The following WDR1 variants were observed in gnomAD, a reference collection of about 807,000 sequenced individuals.
WDR1 encodes WD repeat domain 1.
WDR1 carries 21 observed loss-of-function variants against 71.9 expected under a neutral mutation model. That is an observed-to-expected ratio of 0.29 (90% CI 0.21 to 0.42). The LOEUF is 0.42. Ranked by LOEUF, WDR1 falls within the 10% of genes least tolerant of loss-of-function variation. The probability of loss-of-function intolerance (pLI) is 1.00; values close to 1 mark genes in which losing one functional copy is unlikely to be tolerated. For synonymous variants in WDR1, 424 were observed against 347.4 expected, an observed-to-expected ratio of 1.22 and a Z score of -2.45; for missense variants, 696 against 824.5, an observed-to-expected ratio of 0.84 and a Z score of 1.91.
At chr4:10,092,752 G>GC (rs2109666276) in intron 5 of WDR1, 1 of 273,160 alleles carries the variant, frequency 3.7e-6, no homozygotes, top group African/African-American at 2.2e-5. Flanking sequence ...CCACACGGAG[G>GC]CCCGGCCAGT....
intron 5 of WDR1, among the ~76,000 whole-genome samples, chr4:10,094,101 C>T (rs62288519): frequency 0.058 from 8,803 of 152,256 alleles, 337 homozygotes; most frequent in Middle Eastern, 0.099. Flanking sequence ...AGAAGTCTTC[C>T]GTGCTGAACA....
intron 7 of WDR1, 38 bp from the exon 8 acceptor site, chr4:10,087,978 C>G (rs1221119619): frequency 6.6e-7 from 1 of 1,520,500 alleles, no homozygotes; most frequent in East Asian, 2.5e-5. Flanking sequence ...TGCCAGAGGA[C>G]TACAGACTGG....
chr4:10,080,862 G>A (rs1224082488), intron 11 of WDR1, among the ~76,000 whole-genome samples: 1 of 152,246 alleles, frequency 6.6e-6, no homozygotes. Flanking sequence ...CTCCTCATCT[G>A]TAAGAGGAAC....
At chr4:10,085,113 A>C (rs1239236689) in intron 8 of WDR1, among the ~76,000 whole-genome samples, 7 of 152,244 alleles carry the variant, frequency 4.6e-5, no homozygotes, top group Admixed American at 3.9e-4. Flanking sequence ...AGGCTGGTCC[A>C]CAACCAGACA....
intron 11 of WDR1, among the ~76,000 whole-genome samples, chr4:10,080,791 CG>C (rs775663243): frequency 2.6e-5 from 4 of 152,218 alleles, no homozygotes; most frequent in Admixed American, 6.5e-5. Flanking sequence ...GAAGCCAGGC[CG>C]GGAAGTCAGG....
At chr4:10,094,911 C>T (rs1005693566) in intron 5 of WDR1, 1 of 152,246 alleles carries the variant, frequency 6.6e-6, no homozygotes, top group African/African-American at 2.4e-5. Context: ...TCAGAACATG[C>T]CTTGTTCCTT....
intron 2 of WDR1, among the ~76,000 whole-genome samples, chr4:10,104,801 A>G (rs1486983915): frequency 1.3e-5 from 2 of 152,064 alleles, no homozygotes; most frequent in African/African-American, 4.8e-5. Context: ...TCTGCTACCT[A>G]CTGTCAGCTT....
Position 10,081,435 on chromosome 4 carries a change from T to C in WDR1, c.1206A>G (p.Gly402=). The change falls in exon 11 of 15, where the codon GGA becomes GGG. Residue 402 remains glycine, a synonymous_variant. Coordinates refer to ENST00000499869, the MANE Select transcript of WDR1 (RefSeq NM_017491.5). ...SLMLRDYSGQ[G]VVKLDVQPKC... is the part of the protein sequence containing the mutation. The stretch of plus-strand genomic sequence containing the variant: ...TTGGCTGAACGTCCAGTTTCACAAC[T>C]CCTTGTCCGCTGTTAGAGAGAAAGG... 1 of 1,613,868 alleles carries C rather than the reference T, an allele frequency of 6.2e-7. No individual in the cohort carries two copies. The highest frequency in any genetic ancestry group is 8.5e-7 in the Non-Finnish European group (1 of 1,179,852).
At chr4:10,086,615 G>A (rs938438086) in intron 8 of WDR1, among the ~76,000 whole-genome samples, 1 of 152,224 alleles carries the variant, frequency 6.6e-6, no homozygotes, top group Non-Finnish European at 1.5e-5. Context: ...GCTGCTCCAG[G>A]CTGGCCCACA....
At chr4:10,092,747 C>T (rs909120234) in intron 5 of WDR1, 5 of 269,000 alleles carry the variant, frequency 1.9e-5, no homozygotes, top group Admixed American at 1.3e-4. Context: ...CCTTTCCACA[C>T]GGAGGCCCGG....
rs945282108 is a variant in WDR1 at position 10,084,984 on chromosome 4, A to C, written c.952-454T>G. 9.6e-4 allele frequency among the ~76,000 whole-genome samples: 146 copies of C among 152,306 alleles called. 1 individual carries two copies. The highest frequency in any genetic ancestry group is 8.4e-4 in the Non-Finnish European group (57 of 68,014). On this transcript the variant is annotated intron_variant, in intron 8 of 14. Coordinates refer to ENST00000499869, the MANE Select transcript of WDR1 (RefSeq NM_017491.5). ...TGAGGTTTCTTCTCTCTCCCTGCCC[A>C]GGAGTGCTGGCCCTGCTGAGGGCAG...
chr4:10,085,292 G>A (rs1765168346), intron 8 of WDR1, among the ~76,000 whole-genome samples: 1 of 152,234 alleles, frequency 6.6e-6, no homozygotes, highest in Non-Finnish European at 1.5e-5. Flanking sequence ...TGATCTCTGT[G>A]GTATGCCACA....
intron 3 of WDR1, among the ~76,000 whole-genome samples, chr4:10,102,929 T>C (rs867687784): frequency 6.6e-6 from 1 of 152,188 alleles, no homozygotes; most frequent in Non-Finnish European, 1.5e-5. Context: ...TAAGTATCTG[T>C]TGAGCTTATG....
chr4:10,098,853 G>A (rs747612826), intron 4 of WDR1, 139 bp downstream of exon 4: 21 of 1,262,066 alleles, frequency 1.7e-5, no homozygotes, highest in Admixed American at 4.0e-5. Flanking sequence ...GCCCTCACGG[G>A]GCCCGGCACC....
chr4:10,114,908 G>A (rs962425455), intron 2 of WDR1, among the ~76,000 whole-genome samples: 2 of 152,210 alleles, frequency 1.3e-5, no homozygotes, highest in African/African-American at 4.8e-5. Flanking sequence ...CTGGGTTAAC[G>A]AGACAGATGC....
chr4:10,092,896 C>A, intron 5 of WDR1: 1 of 468,890 alleles, frequency 2.1e-6, no homozygotes. Flanking sequence ...CTCAGTCCAG[C>A]CTCATCCCTG....
At chr4:10,093,373 G>C (rs1712131304) in intron 5 of WDR1, among the ~76,000 whole-genome samples, 1 of 152,206 alleles carries the variant, frequency 6.6e-6, no homozygotes, top group African/African-American at 2.4e-5. Context: ...TGGTCAATGG[G>C]TGTTCCCAAA....
Position 10,081,404 on chromosome 4 carries a change from C to T in WDR1, c.1237G>A (p.Val413Ile), listed in dbSNP as rs768686576. ...VVKLDVQPKC[V>I]AVGPGGYAVV... ...GCGTATCCCCCGGGGCCGACGGCTACGCACTTTGGCTGAACGTCCAGTTTC... is the reference window on the plus strand; with the variant it reads ...GCGTATCCCCCGGGGCCGACGGCTATGCACTTTGGCTGAACGTCCAGTTTC... The change falls in exon 11 of 15, where the codon GTA (valine) becomes ATA (isoleucine). Residue 413 changes from valine (V) to isoleucine (I), a missense_variant. By Grantham distance (29) the Val-to-Ile change is conservative. Transcript: ENST00000499869. 3.8e-5 allele frequency: 61 copies of T among 1,613,820 alleles called. No homozygotes were observed. The highest frequency in any genetic ancestry group is 7.7e-5 in the South Asian group (7 of 91,078).
intron 12 of WDR1, among the ~76,000 whole-genome samples, chr4:10,078,407 T>C (rs1011112973): frequency 6.6e-6 from 1 of 152,220 alleles, no homozygotes; most frequent in African/African-American, 2.4e-5. Flanking sequence ...ATGAGAATTA[T>C]GCCGAGGCAG....
Sources: allele counts gnomAD v4.1 joint callset (sites outside exome capture counted in the v4.1 genomes callset), GRCh38; gene constraint gnomAD v4.1.1; transcripts MANE v1.5; gene names NCBI Gene and HGNC (gene_info 2026-07-23, HGNC 2026-07-21).